The following SECISBP2 variants were observed in gnomAD, a reference collection of about 807,000 sequenced individuals.
SECISBP2 encodes the protein selenocysteine insertion sequence-binding protein 2.
A neutral mutation model predicts 98.2 loss-of-function variants in SECISBP2; 96 were observed. The ratio of observed to expected loss-of-function variants is 0.98; its 90% confidence interval spans 0.83 to 1.16. The LOEUF is 1.16. Among genes scored for constraint, SECISBP2 ranks in the 50% most tolerant of loss-of-function variants. SECISBP2 has a pLI of 0.00. For synonymous variants in SECISBP2, 407 were observed against 370.2 expected (o/e 1.10, Z -1.14); for missense variants, 1,046 against 1,022.9 (o/e 1.02, Z -0.31).
At position 89,359,245 on chromosome 9, in the gene SECISBP2, A is replaced by C. The variant is rs974031710; in HGVS notation, c.*421A>C. The C allele has an allele frequency of 3.1e-6, 1 of 317,652 alleles. No homozygotes were observed. Among genetic ancestry groups the C allele is most frequent in the Non-Finnish European group, 6.1e-6 (1 of 165,108 alleles). 19.7% of individuals were successfully genotyped at this position (317,652 alleles called of 1,614,324 possible). A position where few individuals can be genotyped will look rare whatever the true frequency, so the allele number is the denominator to read the frequency against. On this transcript the variant is annotated 3_prime_UTR_variant, in exon 17 of 17. Transcript: ENST00000375807. ...CCATGGAGGGCCATTCCTGCCCGGC[A>C]ACAGCACCGTCCTGCAGGGAGCCAC...
At chr9:89,361,400 G>C (rs1041603833), downstream of SECISBP2, 5 of 152,228 alleles carry the variant, frequency 3.3e-5, no homozygotes, top group African/African-American at 1.2e-4. Context: ...GAGGGGTGCG[G>C]CTTGACTTTT....
intron 15 of SECISBP2, 74 bp downstream of exon 15, chr9:89,357,639 T>A: frequency 6.4e-7 from 1 of 1,566,942 alleles, no homozygotes; most frequent in Non-Finnish European, 8.8e-7. Flanking sequence ...CAGTGTGGGC[T>A]CACCCACAGA....
intron 14 of SECISBP2, chr9:89,357,141 C>T (rs973603260): frequency 1.3e-5 from 6 of 476,810 alleles, no homozygotes; most frequent in South Asian, 1.0e-4. Flanking sequence ...GGGGAGGACA[C>T]AGGAGCTAAT....
chr9:89,355,461 A>T, intron 14 of SECISBP2: 1 of 962,774 alleles, frequency 1.0e-6, no homozygotes, highest in Non-Finnish European at 1.2e-6. Flanking sequence ...TTTTCTGTGA[A>T]TTGTTCATAT....
At chr9:89,351,828 C>T (rs547403248) in intron 14 of SECISBP2, among the ~76,000 whole-genome samples, 1 of 152,292 alleles carries the variant, frequency 6.6e-6, no homozygotes, top group African/African-American at 2.4e-5. Context: ...GCCCAGAGGC[C>T]TTTCCAGGTC....
intron 6 of SECISBP2, 114 bp downstream of exon 6, chr9:89,333,100 G>A (rs1828027954): frequency 1.2e-6 from 1 of 859,090 alleles, no homozygotes. Flanking sequence ...GACAGCTAAT[G>A]AATTGTGGGT....
intron 7 of SECISBP2, among the ~76,000 whole-genome samples, chr9:89,337,537 G>T (rs1384191153): frequency 6.6e-6 from 1 of 151,916 alleles, no homozygotes; most frequent in African/African-American, 2.4e-5. Context: ...CTGTTTTTTT[G>T]TTTTGTTTTG....
At chr9:89,321,830 C>T (rs1306074285) in intron 2 of SECISBP2, among the ~76,000 whole-genome samples, 1 of 152,152 alleles carries the variant, frequency 6.6e-6, no homozygotes, top group African/African-American at 2.4e-5. Flanking sequence ...AATAATGAGA[C>T]TTCACATGGT....
chr9:89,363,465 G>T, downstream of SECISBP2: 1 of 1,613,874 alleles, frequency 6.2e-7, no homozygotes, highest in Non-Finnish European at 8.5e-7. Flanking sequence ...ATCCGGTCGT[G>T]CTCCCCAGCC....
In SECISBP2 at chr9:89,359,540, C is replaced by T. The variant is rs1232093334; in HGVS notation, c.*716C>T. On this transcript the variant is annotated 3_prime_UTR_variant, in exon 17 of 17. Coordinates refer to ENST00000375807, the MANE Select transcript of SECISBP2 (RefSeq NM_024077.5). ...TCTTTCCTTTTTCAATGAACATATT[C>T]TGAATGTGGTTTCTGTCTTAGACCA... 6.6e-6 allele frequency: 1 copy of T among 152,262 alleles called. No individual in the cohort carries two copies. Among genetic ancestry groups the T allele is most frequent in the East Asian group, 1.9e-4 (1 of 5,212 alleles). The allele number at this position is 152,262 out of a possible 1,614,324, so 9.4% of individuals were successfully genotyped here.
At chr9:89,339,823 T>G in intron 8 of SECISBP2, 41 bp from the exon 9 acceptor site, 2 of 1,368,792 alleles carry the variant, frequency 1.5e-6, no homozygotes, top group Non-Finnish European at 2.1e-6. Flanking sequence ...TTGGCATGTT[T>G]GCATTAACAA....
At chr9:89,318,975 G>A (rs572894184) in intron 1 of SECISBP2, 2 of 1,088,400 alleles carry the variant, frequency 1.8e-6, no homozygotes, top group Non-Finnish European at 2.2e-6. Flanking sequence ...TTTTCTGAAC[G>A]TCATTCTCCG....
chr9:89,319,386 A>C (rs1161113383), intron 1 of SECISBP2, among the ~76,000 whole-genome samples: 1 of 151,980 alleles, frequency 6.6e-6, no homozygotes, highest in Non-Finnish European at 1.5e-5. Flanking sequence ...CCAAGATCTA[A>C]ACTATATAAT....
chr9:89,332,072 G>A (rs530505394), intron 5 of SECISBP2, among the ~76,000 whole-genome samples: 3 of 152,220 alleles, frequency 2.0e-5, no homozygotes, highest in South Asian at 4.1e-4. Context: ...TTTTAAGAAT[G>A]GCAAGGGAAG....
intron 16 of SECISBP2, 77 bp from the exon 17 acceptor site, chr9:89,358,644 C>T (rs1196782935): frequency 1.1e-5 from 11 of 960,556 alleles, no homozygotes; most frequent in Admixed American, 1.8e-5. Context: ...CTCCCTCTCT[C>T]ATGCTGCTGG....
chr9:89,363,123 A>G (rs73502351), downstream of SECISBP2, among the ~76,000 whole-genome samples: 2,755 of 152,184 alleles, frequency 0.018, 73 homozygotes, highest in African/African-American at 0.063. Context: ...CTCTGTACAG[A>G]GAATGGGGTG....
chr9:89,350,547 G>A (rs760181355), intron 13 of SECISBP2, 85 bp from the exon 14 acceptor site: 142 of 1,193,834 alleles, frequency 1.2e-4, no homozygotes, highest in Non-Finnish European at 1.6e-4. Context: ...TGCAGTCTAC[G>A]TCTCTTCTCC....
intron 10 of SECISBP2, 67 bp downstream of exon 10, chr9:89,341,546 A>G: frequency 6.3e-7 from 1 of 1,583,904 alleles, no homozygotes; most frequent in Non-Finnish European, 8.7e-7. Context: ...TTATGTTACC[A>G]TTTTCTCTTG....
rs1830519370 is a variant in SECISBP2, at chr9:89,347,039, A to G, written c.1593A>G (p.Ser531=). 7 of 1,613,750 alleles carry G rather than the reference A, an allele frequency of 4.3e-6. No individual in the cohort carries two copies. In the South Asian group the frequency reaches 6.6e-5, roughly 15 times the overall value. The stretch of plus-strand genomic sequence containing the variant: ...TCCCCAAGGCCAAGAAGCCAACCTC[A>G]CTGAAGAAGGTATGTGGGGTGTTTC... ...REIPKAKKPT[S]LKKIILKERQ... The change falls in exon 11 of 17, where the codon TCA becomes TCG. Residue 531 remains serine, a synonymous_variant. Transcript: ENST00000375807.
Sources: allele counts gnomAD v4.1 joint callset (sites outside exome capture counted in the v4.1 genomes callset), GRCh38; gene constraint gnomAD v4.1.1; transcripts MANE v1.5; gene names NCBI Gene and HGNC (gene_info 2026-07-23, HGNC 2026-07-21).